The following GALNTL6 variants were observed in gnomAD, a reference collection of about 807,000 sequenced individuals.
The protein encoded by GALNTL6 is polypeptide N-acetylgalactosaminyltransferase like 6.
A neutral mutation model predicts 73.7 loss-of-function variants in GALNTL6; 46 were observed. That is an observed-to-expected ratio of 0.62 (90% CI 0.49 to 0.80). The LOEUF is 0.80. Among genes scored for constraint, GALNTL6 ranks in the 30% least tolerant of loss-of-function variants. GALNTL6 has a pLI of 0.00. For missense variants in GALNTL6, 604 were observed against 755.0 expected, an observed-to-expected ratio of 0.80 and a Z score of 2.34; for synonymous variants, 259 against 263.7, an observed-to-expected ratio of 0.98 and a Z score of 0.17.
At chr4:172,276,584 C>G (rs922921684) in intron 3 of GALNTL6, among the ~76,000 whole-genome samples, 2 of 152,070 alleles carry the variant, frequency 1.3e-5, no homozygotes, top group Non-Finnish European at 1.5e-5. Context: ...CCACCAGCAC[C>G]ACAATTTGGT....
intron 5 of GALNTL6, among the ~76,000 whole-genome samples, chr4:172,552,856 A>AAAAAAT (rs1173624538): frequency 2.1e-5 from 3 of 141,984 alleles, no homozygotes; most frequent in Admixed American, 2.1e-4. Context: ...AAAAAAAAAA[A>AAAAAAT]AGGTAAAAAC....
chr4:171,852,228 T>C (rs1168982822), intron 2 of GALNTL6, among the ~76,000 whole-genome samples: 1 of 152,216 alleles, frequency 6.6e-6, no homozygotes, highest in South Asian at 2.1e-4. Context: ...GCTCCATTTT[T>C]ATTTGACTTA....
chr4:172,681,831 CAGACCTTCTG>C (rs1732647715), intron 5 of GALNTL6, among the ~76,000 whole-genome samples: 1 of 152,176 alleles, frequency 6.6e-6, no homozygotes, highest in Non-Finnish European at 1.5e-5. Context: ...TCCAGAGCAC[CAGACCTTCTG>C]AGTCCTCCTG....
At chr4:172,538,262 C>A (rs1735418759) in intron 5 of GALNTL6, among the ~76,000 whole-genome samples, 1 of 151,908 alleles carries the variant, frequency 6.6e-6, no homozygotes, top group African/African-American at 2.4e-5. Flanking sequence ...AGATCGAGAC[C>A]ATCCTGGCTA....
intron 5 of GALNTL6, among the ~76,000 whole-genome samples, chr4:172,502,306 C>T (rs772987478): frequency 6.6e-6 from 1 of 152,144 alleles, no homozygotes; most frequent in Non-Finnish European, 1.5e-5. Context: ...TTTATGTTGC[C>T]TTACAAATTC....
At chr4:172,749,386 T>G (rs1265990174) in intron 5 of GALNTL6, among the ~76,000 whole-genome samples, 4 of 152,124 alleles carry the variant, frequency 2.6e-5, no homozygotes, top group Non-Finnish European at 5.9e-5. Context: ...CACTTAAAAT[T>G]TTTTCAGCTA....
intron 5 of GALNTL6, among the ~76,000 whole-genome samples, chr4:172,738,540 A>G (rs999908319): frequency 1.3e-5 from 2 of 152,190 alleles, no homozygotes; most frequent in Non-Finnish European, 2.9e-5. Context: ...TAGGGATGTC[A>G]TGCTAAATGA....
chr4:172,350,221 T>C (rs1741895756), intron 5 of GALNTL6, among the ~76,000 whole-genome samples: 1 of 152,208 alleles, frequency 6.6e-6, no homozygotes, highest in Non-Finnish European at 1.5e-5. Flanking sequence ...TGGTAAACTA[T>C]TTATTATAGT....
At chr4:172,216,560 T>C (rs1736503562) in intron 2 of GALNTL6, among the ~76,000 whole-genome samples, 1 of 152,162 alleles carries the variant, frequency 6.6e-6, no homozygotes, top group African/African-American at 2.4e-5. Flanking sequence ...TTTGTTCTGA[T>C]TGGTATTCTC....
intron 2 of GALNTL6, among the ~76,000 whole-genome samples, chr4:172,220,639 ATGAGCTT>A (rs1392524378): frequency 6.6e-6 from 1 of 151,846 alleles, no homozygotes; most frequent in Admixed American, 6.6e-5. Flanking sequence ...CAAAGATTGA[ATGAGCTT>A]AAAACACCAA....
At chr4:172,879,645 T>C (rs982818142) in intron 7 of GALNTL6, among the ~76,000 whole-genome samples, 1 of 151,956 alleles carries the variant, frequency 6.6e-6, no homozygotes, top group Non-Finnish European at 1.5e-5. Context: ...AATAGATTTA[T>C]AGTACTAAAC....
At chr4:172,620,889 C>T (rs1738926289) in intron 5 of GALNTL6, among the ~76,000 whole-genome samples, 1 of 152,190 alleles carries the variant, frequency 6.6e-6, no homozygotes, top group African/African-American at 2.4e-5. Context: ...TGTTCCTGAA[C>T]CAAACTCTGG....
At chr4:172,958,145 A>T (rs1210191255) in intron 10 of GALNTL6, among the ~76,000 whole-genome samples, 1 of 152,204 alleles carries the variant, frequency 6.6e-6, no homozygotes, top group Non-Finnish European at 1.5e-5. Flanking sequence ...TGTGAGGAAG[A>T]AAATAGATTT....
At chr4:172,709,345 T>C (rs1045164322) in intron 5 of GALNTL6, among the ~76,000 whole-genome samples, 9 of 152,206 alleles carry the variant, frequency 5.9e-5, no homozygotes, top group African/African-American at 2.2e-4. Flanking sequence ...AAAGAAGTCA[T>C]GCCACATAAT....
chr4:172,753,711 T>C (rs6853619), intron 5 of GALNTL6, among the ~76,000 whole-genome samples: 147,384 of 152,314 alleles, frequency 0.97, 71,474 homozygotes, highest in Middle Eastern at 1. Context: ...CACAATTATA[T>C]AATAATTTGT....
chr4:172,911,892 G>A (rs1747222665), intron 8 of GALNTL6, among the ~76,000 whole-genome samples: 1 of 152,180 alleles, frequency 6.6e-6, no homozygotes, highest in East Asian at 1.9e-4. Flanking sequence ...TGTAAAGTGA[G>A]CAAGCTGTAA....
chr4:172,961,112 G>T, intron 10 of GALNTL6, among the ~76,000 whole-genome samples: 1 of 72,210 alleles, frequency 1.4e-5, no homozygotes, highest in South Asian at 6.5e-4. Flanking sequence ...GACATGGGGA[G>T]AAGGGGTTGG....
chr4:172,998,816 A>T (rs1310025700), intron 10 of GALNTL6, among the ~76,000 whole-genome samples: 3 of 152,122 alleles, frequency 2.0e-5, no homozygotes, highest in Non-Finnish European at 4.4e-5. Flanking sequence ...TTTCAAAAAA[A>T]GTCATTCCCT....
rs1734385297 is a variant in GALNTL6, at chr4:172,159,409, T to G, written c.139-70247T>G. Among the ~76,000 whole-genome samples, 3 of 152,306 alleles carry G rather than the reference T, an allele frequency of 2.0e-5. No individual in the cohort carries two copies. In the South Asian group the frequency reaches 6.2e-4, roughly 32 times the overall value. ...ATAAACACACAATTACAAAGATGTA[T>G]TAGATGTTTTGAAAGAATAGATACT... On this transcript the variant is annotated intron_variant, in intron 2 of 12. Coordinates refer to ENST00000506823, the MANE Select transcript of GALNTL6 (RefSeq NM_001034845.3).
Sources: allele counts gnomAD v4.1 joint callset (sites outside exome capture counted in the v4.1 genomes callset), GRCh38; gene constraint gnomAD v4.1.1; transcripts MANE v1.5; gene names NCBI Gene and HGNC (gene_info 2026-07-23, HGNC 2026-07-21).